PTPRT: variants seen among roughly 807,000 people sequenced by gnomAD.
The protein encoded by PTPRT is receptor-type tyrosine-protein phosphatase T.
In PTPRT, 56 loss-of-function variants were observed where a neutral mutation model predicts 176.8. The ratio of observed to expected loss-of-function variants is 0.32; its 90% confidence interval spans 0.26 to 0.40. PTPRT has a LOEUF of 0.40. PTPRT is among the 10% of genes least tolerant of loss of function. The pLI is 1.00. For synonymous variants in PTPRT, 783 were observed against 739.0 expected, an observed-to-expected ratio of 1.06 and a Z score of -0.96; for missense variants, 1,540 against 1,908.2, an observed-to-expected ratio of 0.81 and a Z score of 3.60.
intron 11 of PTPRT, among the ~76,000 whole-genome samples, chr20:42,334,053 C>A (rs2058006227): frequency 6.6e-6 from 1 of 152,098 alleles, no homozygotes; most frequent in East Asian, 1.9e-4. Flanking sequence ...TTCTTTGATG[C>A]CTTCATTAAT....
chr20:42,809,554 AT>A (rs2077663911), intron 2 of PTPRT, among the ~76,000 whole-genome samples: 1 of 152,154 alleles, frequency 6.6e-6, no homozygotes, highest in South Asian at 2.1e-4. Flanking sequence ...GATAACAGAG[AT>A]TCATTCTCTC....
chr20:42,348,842 C>A (rs1191564177), intron 11 of PTPRT, among the ~76,000 whole-genome samples: 3 of 152,170 alleles, frequency 2.0e-5, no homozygotes, highest in African/African-American at 7.2e-5. Flanking sequence ...TGCACCCTGA[C>A]AACTGTCATT....
At chr20:43,104,343 TACA>T (rs1323227006) in intron 1 of PTPRT, among the ~76,000 whole-genome samples, 2 of 151,726 alleles carry the variant, frequency 1.3e-5, no homozygotes, top group African/African-American at 4.8e-5. Context: ...TGCCACCAGC[TACA>T]ACATCACCCC....
intron 13 of PTPRT, among the ~76,000 whole-genome samples, chr20:42,255,415 G>T (rs950491511): frequency 6.6e-6 from 1 of 152,166 alleles, no homozygotes; most frequent in Admixed American, 6.5e-5. Context: ...TGTGACCTTA[G>T]CACTGGATCC....
Position 42,416,361 on chromosome 20 carries a change from T to C in PTPRT, c.1560+31859A>G, listed in dbSNP as rs192603680. On this transcript the variant is annotated intron_variant, in intron 9 of 30. Transcript: ENST00000373187. ...CGCAAACACCTTGGTTTTAGACCTC[T>C]GACCTCCAGAATTGTAAGAGAATAA... 2.6e-5 allele frequency among the ~76,000 whole-genome samples: 4 copies of C among 152,336 alleles called. No homozygotes were observed. In the East Asian group the frequency reaches 7.7e-4, roughly 29 times the overall value.
chr20:42,858,422 C>A (rs1242785210), intron 2 of PTPRT, among the ~76,000 whole-genome samples: 2 of 152,162 alleles, frequency 1.3e-5, no homozygotes, highest in Non-Finnish European at 2.9e-5. Context: ...ATAGTGCTAT[C>A]ATCCGAATGT....
chr20:42,186,036 A>G (rs1990768316), intron 16 of PTPRT, among the ~76,000 whole-genome samples: 1 of 152,092 alleles, frequency 6.6e-6, no homozygotes, highest in Admixed American at 6.6e-5. Flanking sequence ...CATAGCACCT[A>G]ACAAAAGAAA....
chr20:42,543,441 C>T (rs1272567962), intron 7 of PTPRT, among the ~76,000 whole-genome samples: 4 of 152,164 alleles, frequency 2.6e-5, no homozygotes, highest in Non-Finnish European at 4.4e-5. Flanking sequence ...ATCAATTCAG[C>T]TATATCTTCA....
rs561164733 is a variant in PTPRT at position 42,691,229 on chromosome 20, A to G, written c.860-13070T>C. 2.6e-5 allele frequency among the ~76,000 whole-genome samples: 4 copies of G among 152,368 alleles called. No individual in the cohort carries two copies. In the South Asian group the frequency reaches 8.3e-4, roughly 32 times the overall value. ...TAGCTGCCATAGCAGAACAAATATG[A>G]CAAGATGACAAAGTAGAGAGAAAGG... On this transcript the variant is annotated intron_variant, in intron 6 of 30. Transcript: ENST00000373187.
intron 3 of PTPRT, among the ~76,000 whole-genome samples, chr20:42,784,383 G>A (rs2077258719): frequency 6.6e-6 from 1 of 152,200 alleles, no homozygotes; most frequent in South Asian, 2.1e-4. Flanking sequence ...TGGCACATCA[G>A]AACTCCTCTT....
At position 42,323,338 on chromosome 20, in the gene PTPRT, T is replaced by C. The variant is rs547396755; in HGVS notation, c.1866-7342A>G. Among the ~76,000 whole-genome samples the C allele has an allele frequency of 3.3e-5, 5 of 152,166 alleles. No homozygotes were observed. The East Asian group carries it at 9.7e-4, about 29-fold the overall frequency. On this transcript the variant is annotated intron_variant, in intron 11 of 30. Coordinates refer to ENST00000373187, the MANE Select transcript of PTPRT (RefSeq NM_007050.6). ...ATGTTTATTGCGGCACTATTCACAA[T>C]AGCAAAGACTCGGAACCAACCCAAA...
At chr20:42,034,818 T>C in the PTPRT span, among the ~76,000 whole-genome samples, 1 of 152,150 alleles carries the variant, frequency 6.6e-6, no homozygotes, top group Non-Finnish European at 1.5e-5. Flanking sequence ...TGACATCTGG[T>C]TTGCTTCTAC....
chr20:43,150,655 C>A (rs2014321628), intron 1 of PTPRT, among the ~76,000 whole-genome samples: 1 of 152,052 alleles, frequency 6.6e-6, no homozygotes, highest in Non-Finnish European at 1.5e-5. Flanking sequence ...TGGGGTTTCA[C>A]CATGTTGGCC....
intron 18 of PTPRT, among the ~76,000 whole-genome samples, chr20:42,137,383 C>T (rs1391289545): frequency 6.6e-6 from 1 of 152,196 alleles, no homozygotes; most frequent in East Asian, 1.9e-4. Flanking sequence ...CCTCTCTGCA[C>T]TCCATAGCCC....
chr20:42,037,327 C>T, the PTPRT span, among the ~76,000 whole-genome samples: 1 of 152,168 alleles, frequency 6.6e-6, no homozygotes, highest in Non-Finnish European at 1.5e-5. Flanking sequence ...CATGGAAGTT[C>T]CCTCTAGGCC....
At chr20:42,459,948 A>G (rs1392604950) in intron 8 of PTPRT, among the ~76,000 whole-genome samples, 1 of 152,244 alleles carries the variant, frequency 6.6e-6, no homozygotes, top group Non-Finnish European at 1.5e-5. Context: ...TGTAAAAGCC[A>G]GGGCCTCAGT....
chr20:42,981,052 C>T (rs1983243975), intron 1 of PTPRT, among the ~76,000 whole-genome samples: 1 of 152,176 alleles, frequency 6.6e-6, no homozygotes, highest in South Asian at 2.1e-4. Context: ...AAGTAGCAAA[C>T]ACAGATGGCC....
chr20:43,160,267 A>C (rs1488334315), intron 1 of PTPRT, among the ~76,000 whole-genome samples: 1 of 152,176 alleles, frequency 6.6e-6, no homozygotes, highest in Non-Finnish European at 1.5e-5. Flanking sequence ...CAACAGCCGG[A>C]ATAAATCTGA....
At chr20:42,236,375 A>AT (rs1009970529) in intron 14 of PTPRT, 117 bp from the exon 15 acceptor site, 23 of 867,340 alleles carry the variant, frequency 2.7e-5, no homozygotes, top group Admixed American at 6.3e-5. Flanking sequence ...TGCACATATT[A>AT]TTTCAGCATC....
Sources: allele counts gnomAD v4.1 joint callset (sites outside exome capture counted in the v4.1 genomes callset), GRCh38; gene constraint gnomAD v4.1.1; transcripts MANE v1.5; gene names NCBI Gene and HGNC (gene_info 2026-07-23, HGNC 2026-07-21).